LINGO1: variants seen among roughly 807,000 people sequenced by gnomAD.
LINGO1 encodes the protein leucine-rich repeat and immunoglobulin-like domain-containing nogo receptor-interacting protein 1.
A neutral mutation model predicts 37.3 loss-of-function variants in LINGO1; 11 were observed. That is an observed-to-expected ratio of 0.29 (90% CI 0.19 to 0.49). The LOEUF (loss-of-function observed/expected upper bound fraction) is 0.49, where lower values mean the gene tolerates loss of function less well. LINGO1 is among the 20% of genes least tolerant of loss of function. The pLI, the probability that LINGO1 is intolerant of heterozygous loss-of-function variation, is 0.99. For missense variants in LINGO1, 585 were observed against 878.2 expected (o/e 0.67, Z 4.22); for synonymous variants, 387 against 403.0 (o/e 0.96, Z 0.48).
intron 3 of LINGO1, chr15:77,641,776 G>A: frequency 2.3e-6 from 1 of 443,568 alleles, no homozygotes; most frequent in Non-Finnish European, 4.6e-6. Context: ...AAACGGGGCT[G>A]TGGCTGTCCC....
intron 1 of LINGO1, among the ~76,000 whole-genome samples, chr15:77,762,490 A>T (rs1172581942): frequency 6.6e-6 from 1 of 152,082 alleles, no homozygotes; most frequent in Non-Finnish European, 1.5e-5. Flanking sequence ...GTGAGGCCCT[A>T]AGAGGAGCAG....
At chr15:77,743,909 TA>T (rs2076288702) in intron 1 of LINGO1, among the ~76,000 whole-genome samples, 1 of 152,112 alleles carries the variant, frequency 6.6e-6, no homozygotes, top group South Asian at 2.1e-4. Context: ...AGCAACCAGG[TA>T]ACCCTCCCTG....
chr15:77,656,433 C>T (rs2141154237), intron 3 of LINGO1, among the ~76,000 whole-genome samples: 1 of 152,312 alleles, frequency 6.6e-6, no homozygotes, highest in East Asian at 1.9e-4. Flanking sequence ...AAGTATGGTT[C>T]AGCCTCCCCA....
At chr15:77,820,203 G>C (rs2077086447) in intron 1 of LINGO1, 1 of 152,226 alleles carries the variant, frequency 6.6e-6, no homozygotes, top group African/African-American at 2.4e-5. Context: ...TCCCGCGCTA[G>C]CCTCGGCTGC....
chr15:77,721,176 C>A (rs2076045962), intron 2 of LINGO1, among the ~76,000 whole-genome samples: 1 of 152,150 alleles, frequency 6.6e-6, no homozygotes, highest in South Asian at 2.1e-4. Flanking sequence ...CTAACCCTCC[C>A]GCCCCAGTCA....
chr15:77,634,706 C>G (rs2141090074), upstream of LINGO1, among the ~76,000 whole-genome samples: 1 of 152,210 alleles, frequency 6.6e-6, no homozygotes, highest in East Asian at 1.9e-4. Context: ...CCAGCGCAGG[C>G]GACTCCCCGG....
chr15:77,764,346 G>C (rs2141389044), intron 1 of LINGO1, among the ~76,000 whole-genome samples: 1 of 152,284 alleles, frequency 6.6e-6, no homozygotes. Flanking sequence ...AGTTGACTTT[G>C]TTACCATTTA....
chr15:77,643,963 C>A (rs1433374085), intron 3 of LINGO1, among the ~76,000 whole-genome samples: 1 of 152,212 alleles, frequency 6.6e-6, no homozygotes, highest in East Asian at 1.9e-4. Flanking sequence ...CGCCCTCATT[C>A]CTGAATGTGG....
upstream of LINGO1, among the ~76,000 whole-genome samples, chr15:77,636,769 A>G (rs1322216169): frequency 6.6e-6 from 1 of 152,084 alleles, no homozygotes; most frequent in African/African-American, 2.4e-5. Context: ...GGGGCCATGT[A>G]GCCTCCAGAA....
At chr15:77,633,013 ATGG>A (rs924022350), upstream of LINGO1, among the ~76,000 whole-genome samples, 11 of 108,312 alleles carry the variant, frequency 1.0e-4, no homozygotes, top group Non-Finnish European at 1.9e-4. Flanking sequence ...AAACCTGGTG[ATGG>A]TGGTGGTGGG....
chr15:77,770,666 C>T (rs953240608), intron 1 of LINGO1, among the ~76,000 whole-genome samples: 3 of 151,638 alleles, frequency 2.0e-5, no homozygotes, highest in Admixed American at 6.6e-5. Context: ...CCTCACTCCA[C>T]GAAGAGGGGG....
At chr15:77,806,454 C>A (rs1265770837) in intron 1 of LINGO1, among the ~76,000 whole-genome samples, 1 of 152,056 alleles carries the variant, frequency 6.6e-6, no homozygotes, top group East Asian at 1.9e-4. Flanking sequence ...GGGTTCAAAT[C>A]CCCTCCCCAG....
At chr15:77,699,706 AT>A (rs2075751830), upstream of LINGO1, among the ~76,000 whole-genome samples, 2 of 57,516 alleles carry the variant, frequency 3.5e-5, no homozygotes, top group South Asian at 5.7e-4. Context: ...CATACTAACC[AT>A]CATTCCCACA....
chr15:77,692,680 G>C (rs1208171233), intron 1 of LINGO1, among the ~76,000 whole-genome samples: 1 of 152,160 alleles, frequency 6.6e-6, no homozygotes, highest in South Asian at 2.1e-4. Context: ...CCTCCTGCCT[G>C]GGTGAGATCC....
intron 1 of LINGO1, among the ~76,000 whole-genome samples, chr15:77,817,072 C>T (rs1465608056): frequency 1.3e-5 from 2 of 152,140 alleles, no homozygotes; most frequent in African/African-American, 4.8e-5. Flanking sequence ...AGAGGCCGCC[C>T]GGGACGGGGA....
chr15:77,808,490 C>G (rs1266764966), intron 1 of LINGO1, among the ~76,000 whole-genome samples: 1 of 152,192 alleles, frequency 6.6e-6, no homozygotes, highest in African/African-American at 2.4e-5. Context: ...GCCTCTGCTG[C>G]TGAATCCCTC....
At chr15:77,811,338 A>T (rs1417119392) in intron 1 of LINGO1, among the ~76,000 whole-genome samples, 1 of 152,176 alleles carries the variant, frequency 6.6e-6, no homozygotes, top group Non-Finnish European at 1.5e-5. Context: ...AATTAACCTA[A>T]AAGAGGGTCA....
At chr15:77,802,454 T>G (rs920136515) in intron 1 of LINGO1, among the ~76,000 whole-genome samples, 1 of 151,888 alleles carries the variant, frequency 6.6e-6, no homozygotes, top group Non-Finnish European at 1.5e-5. Context: ...TTAGGAGGTA[T>G]AGGCAGCCAG....
intron 1 of LINGO1, among the ~76,000 whole-genome samples, chr15:77,776,490 C>CAGGAAGGCAGGAAGGG (rs2141414425): frequency 1.4e-5 from 1 of 71,684 alleles, no homozygotes; most frequent in East Asian, 3.8e-4. Context: ...GGCAGGAAAG[C>CAGGAAGGCAGGAAGGG]AGGAAGGCAG....
Sources: allele counts gnomAD v4.1 joint callset (sites outside exome capture counted in the v4.1 genomes callset), GRCh38; gene constraint gnomAD v4.1.1; transcripts MANE v1.5; gene names NCBI Gene and HGNC (gene_info 2026-07-23, HGNC 2026-07-21).